ARHGAP12: variants seen among roughly 807,000 people sequenced by gnomAD.
The protein encoded by ARHGAP12 is rho GTPase-activating protein 12.
In ARHGAP12, 64 loss-of-function variants were observed where a neutral mutation model predicts 108.6. The ratio of observed to expected loss-of-function variants is 0.59; its 90% CI spans 0.48 to 0.73. ARHGAP12 has a LOEUF of 0.73. ARHGAP12 is among the 30% of genes least tolerant of loss of function. The pLI, the probability that ARHGAP12 is intolerant of heterozygous loss-of-function variation, is 0.00. For missense variants in ARHGAP12, 940 were observed against 1,005.9 expected, an observed-to-expected ratio of 0.93 and a Z score of 0.89; for synonymous variants, 312 against 337.2, an observed-to-expected ratio of 0.93 and a Z score of 0.82.
chr10:31,890,091 GA>G (rs754682061), intron 3 of ARHGAP12, among the ~76,000 whole-genome samples: 2 of 152,154 alleles, frequency 1.3e-5, no homozygotes, highest in East Asian at 3.9e-4. Context: ...TTTCACAACA[GA>G]ATTTCATTTA....
At chr10:31,913,799 A>T (rs1839450330) in intron 1 of ARHGAP12, 2 of 152,400 alleles carry the variant, frequency 1.3e-5, no homozygotes, top group African/African-American at 4.9e-5. Flanking sequence ...TTGAAGAAAG[A>T]ATTGAAATGT....
At chr10:31,905,568 G>A (rs1257438080) in intron 3 of ARHGAP12, among the ~76,000 whole-genome samples, 1 of 152,126 alleles carries the variant, frequency 6.6e-6, no homozygotes, top group Non-Finnish European at 1.5e-5. Context: ...TAAAGGTAAA[G>A]GAAGATAAAA....
At chr10:31,888,116 A>G (rs1407331460) in intron 3 of ARHGAP12, among the ~76,000 whole-genome samples, 2 of 152,192 alleles carry the variant, frequency 1.3e-5, no homozygotes, top group Non-Finnish European at 2.9e-5. Context: ...GGCCTGGTAC[A>G]GAATACATAT....
intron 9 of ARHGAP12, among the ~76,000 whole-genome samples, chr10:31,835,295 T>C (rs1420913102): frequency 1.3e-5 from 2 of 152,048 alleles, no homozygotes; most frequent in Non-Finnish European, 2.9e-5. Flanking sequence ...AATCAACCAA[T>C]GTTTTTGTGT....
At position 31,825,946 on chromosome 10, in the gene ARHGAP12, T is replaced by C. The variant is rs1307035168; in HGVS notation, c.1530+358A>G. On this transcript the variant is annotated intron_variant, in intron 11 of 19. Coordinates refer to ENST00000344936, the MANE Select transcript of ARHGAP12 (RefSeq NM_018287.7). ...TTCAAGATACAGCTTGCCACATTAC[T>C]GCTTATTTTCTGACTAAATATCTGA... is the stretch of plus-strand genomic sequence containing the variant. 2.6e-5 allele frequency among the ~76,000 whole-genome samples: 4 copies of C among 152,190 alleles called. No individual in the cohort carries two copies. In the East Asian group the frequency reaches 7.7e-4, roughly 29 times the overall value.
intron 12 of ARHGAP12, among the ~76,000 whole-genome samples, chr10:31,819,409 A>C (rs1400460673): frequency 6.6e-6 from 1 of 152,180 alleles, no homozygotes; most frequent in East Asian, 1.9e-4. Flanking sequence ...TGTCCACAAA[A>C]TCAGTCTTGG....
chr10:31,898,626 A>G (rs1165195242), intron 3 of ARHGAP12, among the ~76,000 whole-genome samples: 4 of 152,244 alleles, frequency 2.6e-5, no homozygotes, highest in Non-Finnish European at 5.9e-5. Flanking sequence ...ACGTGGTCCC[A>G]TAAGATTATA....
intron 3 of ARHGAP12, among the ~76,000 whole-genome samples, chr10:31,867,427 A>G (rs1183592722): frequency 2.6e-5 from 4 of 152,218 alleles, no homozygotes; most frequent in Admixed American, 2.6e-4. Flanking sequence ...CTCAAGCTTG[A>G]AAATATAGGT....
chr10:31,814,198 C>A, intron 14 of ARHGAP12, 61 bp downstream of exon 14: 1 of 1,369,124 alleles, frequency 7.3e-7, no homozygotes, highest in Non-Finnish European at 1.0e-6. Flanking sequence ...GTATTTAAAA[C>A]CTTCAAAAAG....
chr10:31,921,615 T>C (rs1170733237), intron 1 of ARHGAP12, among the ~76,000 whole-genome samples: 1 of 151,016 alleles, frequency 6.6e-6, no homozygotes, highest in Non-Finnish European at 1.5e-5. Context: ...AATACAAAAA[T>C]GAGCTGGGCA....
At chr10:31,836,334 T>C (rs1216706640) in intron 9 of ARHGAP12, among the ~76,000 whole-genome samples, 4 of 152,186 alleles carry the variant, frequency 2.6e-5, no homozygotes, top group Non-Finnish European at 4.4e-5. Flanking sequence ...AATAGCTTCT[T>C]AGATCAGCCC....
intron 9 of ARHGAP12, among the ~76,000 whole-genome samples, chr10:31,838,753 C>T (rs1477319583): frequency 6.7e-6 from 1 of 150,314 alleles, no homozygotes; most frequent in Non-Finnish European, 1.5e-5. Flanking sequence ...ATCACTTGAA[C>T]CTGGGAGGTG....
rs564715772 is a variant in ARHGAP12, at chr10:31,897,122, A to G, written c.684+11050T>C. 1.5e-4 allele frequency among the ~76,000 whole-genome samples: 23 copies of G among 152,296 alleles called. No homozygotes were observed. In the South Asian group the frequency reaches 4.8e-3, roughly 32 times the overall value. ...ACAACATCAGCTTCCTACAGTAAAGAGCCAAGAAGATACTCCCATAGCTCT... is the reference window on the plus strand; with the variant it reads ...ACAACATCAGCTTCCTACAGTAAAGGGCCAAGAAGATACTCCCATAGCTCT... On this transcript the variant is annotated intron_variant, in intron 3 of 19. Coordinates refer to ENST00000344936, the MANE Select transcript of ARHGAP12 (RefSeq NM_018287.7).
chr10:31,928,461 C>T (rs1840158959), intron 1 of ARHGAP12, among the ~76,000 whole-genome samples: 1 of 150,468 alleles, frequency 6.6e-6, no homozygotes, highest in African/African-American at 2.5e-5. Context: ...CCGGCCCCCT[C>T]CCCCTCGGCG....
chr10:31,920,448 T>TTAA (rs1374112806), intron 1 of ARHGAP12, among the ~76,000 whole-genome samples: 1 of 19,306 alleles, frequency 5.2e-5, no homozygotes, highest in Non-Finnish European at 9.0e-5. Flanking sequence ...AGACTCCGTC[T>TTAA]CAAAAAAAAA....
At chr10:31,900,010 T>A (rs1011562712) in intron 3 of ARHGAP12, among the ~76,000 whole-genome samples, 5 of 152,144 alleles carry the variant, frequency 3.3e-5, no homozygotes, top group Non-Finnish European at 5.9e-5. Context: ...CAAGGAACTC[T>A]TAAAACTCAT....
At chr10:31,820,558 G>A in intron 11 of ARHGAP12, 70 bp from the exon 12 acceptor site, 3 of 814,224 alleles carry the variant, frequency 3.7e-6, no homozygotes, top group Non-Finnish European at 5.4e-6. Flanking sequence ...AAATAATTAA[G>A]AACAATTTTA....
At chr10:31,857,373 T>C (rs1836926298) in intron 4 of ARHGAP12, among the ~76,000 whole-genome samples, 1 of 152,040 alleles carries the variant, frequency 6.6e-6, no homozygotes, top group South Asian at 2.1e-4. Flanking sequence ...AATGAAGGCA[T>C]AGACAAAGGG....
At chr10:31,869,571 C>T (rs1208229813) in intron 3 of ARHGAP12, among the ~76,000 whole-genome samples, 1 of 151,882 alleles carries the variant, frequency 6.6e-6, no homozygotes, top group African/African-American at 2.4e-5. Flanking sequence ...CAAAACACCA[C>T]CCCCTCCCCC....
Sources: gnomAD v4.1 joint callset for allele counts (sites outside exome capture counted in the v4.1 genomes callset) on GRCh38, gnomAD v4.1.1 for gene constraint, MANE v1.5 for transcripts, NCBI Gene and HGNC (gene_info 2026-07-23, HGNC 2026-07-21) for gene names.